Variants in CPNE8 observed in about 807,000 individuals in gnomAD.
The protein encoded by CPNE8 is copine 8.
Under a neutral mutation model 81.5 loss-of-function variants are expected in CPNE8, and 45 were observed. That is an observed-to-expected ratio of 0.55 (90% CI 0.44 to 0.71). The LOEUF is 0.71. Ranked by LOEUF, CPNE8 falls within the 30% of genes least tolerant of loss-of-function variation. The pLI is 0.00. For synonymous variants in CPNE8, 252 were observed against 226.3 expected (o/e 1.11, Z -1.02); for missense variants, 594 against 672.1 (o/e 0.88, Z 1.28).
chr12:38,853,559 T>C (rs1034981864), intron 3 of CPNE8, among the ~76,000 whole-genome samples: 1 of 152,132 alleles, frequency 6.6e-6, no homozygotes, highest in South Asian at 2.1e-4. Context: ...AGTATGAAAA[T>C]TTTCAGTTAT....
intron 1 of CPNE8, among the ~76,000 whole-genome samples, chr12:38,876,318 T>C (rs1944065704): frequency 6.6e-6 from 1 of 152,318 alleles, no homozygotes; most frequent in East Asian, 1.9e-4. Flanking sequence ...TTCAAGTGAT[T>C]CTCCTGCCTC....
intron 10 of CPNE8, among the ~76,000 whole-genome samples, chr12:38,740,431 T>C (rs1044493887): frequency 1.3e-5 from 2 of 152,194 alleles, no homozygotes; most frequent in South Asian, 2.1e-4. Context: ...CAACACTATG[T>C]TGAATAGGAG....
At chr12:38,803,003 T>C in intron 6 of CPNE8, among the ~76,000 whole-genome samples, 1 of 126,334 alleles carries the variant, frequency 7.9e-6, no homozygotes. Context: ...TCTGAAATTG[T>C]GGCAATAATC....
chr12:38,809,918 A>G (rs1565630139), intron 6 of CPNE8, among the ~76,000 whole-genome samples: 2 of 152,224 alleles, frequency 1.3e-5, no homozygotes, highest in Non-Finnish European at 2.9e-5. Context: ...CAGTTCAAAC[A>G]GGGAGGAAAT....
chr12:38,697,276 C>T (rs1008616548), intron 14 of CPNE8, among the ~76,000 whole-genome samples: 1 of 152,156 alleles, frequency 6.6e-6, no homozygotes, highest in Admixed American at 6.5e-5. Context: ...AACATGTGAT[C>T]TTTTGTAACT....
At chr12:38,827,097 C>T (rs1943211044) in intron 6 of CPNE8, among the ~76,000 whole-genome samples, 1 of 149,380 alleles carries the variant, frequency 6.7e-6, no homozygotes, top group African/African-American at 2.5e-5. Context: ...AGAAGAATCA[C>T]TTGAACCCGG....
intron 18 of CPNE8, among the ~76,000 whole-genome samples, 199 bp downstream of exon 18, chr12:38,675,512 ACAGGAT>A (rs1340050567): frequency 6.6e-6 from 1 of 152,172 alleles, no homozygotes; most frequent in Non-Finnish European, 1.5e-5. Context: ...TAGTGAAAAG[ACAGGAT>A]CTTTTAATTG....
intron 1 of CPNE8, 95 bp from the exon 2 acceptor site, chr12:38,874,606 T>C: frequency 2.8e-6 from 2 of 726,718 alleles, no homozygotes; most frequent in Non-Finnish European, 4.6e-6. Context: ...TAATTGTGTA[T>C]ATATATATAA....
rs1938721592 is a variant in CPNE8, at chr12:38,652,505, G to A, written c.*1377C>T. Reference sequence around the variant, plus strand: ...TATAAAAGTCACCCTAGGTCAACTTGGGACAAAGAAAACAATGTACAGTAG... The same window carrying A: ...TATAAAAGTCACCCTAGGTCAACTTAGGACAAAGAAAACAATGTACAGTAG... On this transcript the variant is annotated 3_prime_UTR_variant, in exon 20 of 20. Transcript: ENST00000331366. 1 of 152,356 alleles carries A rather than the reference G, an allele frequency of 6.6e-6. No homozygotes were observed. The highest frequency in any genetic ancestry group is 1.5e-5 in the Non-Finnish European group (1 of 67,980). The allele number at this position is 152,356 out of a possible 1,614,324, so 9.4% of individuals were successfully genotyped here. A position where few individuals can be genotyped will look rare whatever the true frequency, so the allele number is the denominator to read the frequency against.
At chr12:38,807,046 G>A (rs1004376168) in intron 6 of CPNE8, among the ~76,000 whole-genome samples, 3 of 152,076 alleles carry the variant, frequency 2.0e-5, no homozygotes, top group African/African-American at 7.2e-5. Context: ...ACTTACAAGG[G>A]ATGTGAAGGA....
At chr12:38,743,392 G>A (rs1684421) in intron 10 of CPNE8, among the ~76,000 whole-genome samples, 123,447 of 151,886 alleles carry the variant, frequency 0.81, 52,884 homozygotes, top group Middle Eastern at 0.97. Context: ...AATTTTTAGT[G>A]GCATAAATCT....
At chr12:38,654,424 A>G (rs545078549) in intron 19 of CPNE8, among the ~76,000 whole-genome samples, 155 of 148,378 alleles carry the variant, frequency 1.0e-3, no homozygotes, top group African/African-American at 3.6e-3. Context: ...CTGAGGCAGG[A>G]GAATTGCTTG....
At chr12:38,760,354 A>C (rs536223748) in intron 10 of CPNE8, among the ~76,000 whole-genome samples, 1 of 151,284 alleles carries the variant, frequency 6.6e-6, no homozygotes, top group South Asian at 2.1e-4. Context: ...TATGCAGAGG[A>C]CTACAGTGAT....
chr12:38,702,859 TAATCA>T lies in CPNE8; in HGVS notation c.961+11_961+15del. 6.8e-7 allele frequency: 1 copy of T among 1,476,896 alleles called. No homozygotes were observed. Among genetic ancestry groups the T allele is most frequent in the Non-Finnish European group, 9.2e-7 (1 of 1,091,136 alleles). 91.5% of individuals were successfully genotyped at this position (1,476,896 alleles called of 1,614,324 possible). On this transcript the variant is annotated intron_variant, in intron 14 of 19. Coordinates refer to ENST00000331366, the MANE Select transcript of CPNE8 (RefSeq NM_153634.3). ...ATTGCTGATGATTTTTATCAGGGGA[TAATCA>T]AAACACTCACCGTTTGATGCTGTAA...
chr12:38,674,442 C>G (rs1160685982), intron 18 of CPNE8, among the ~76,000 whole-genome samples: 1 of 152,148 alleles, frequency 6.6e-6, no homozygotes, highest in Non-Finnish European at 1.5e-5. Flanking sequence ...TTATTTTAGC[C>G]TACCAATTGG....
At chr12:38,888,966 A>G (rs936957491) in intron 1 of CPNE8, among the ~76,000 whole-genome samples, 3 of 152,238 alleles carry the variant, frequency 2.0e-5, no homozygotes, top group African/African-American at 7.2e-5. Flanking sequence ...TATATTGAAT[A>G]AATAATTATC....
intron 6 of CPNE8, among the ~76,000 whole-genome samples, chr12:38,825,502 C>A (rs981808873): frequency 1.3e-5 from 2 of 152,172 alleles, no homozygotes; most frequent in African/African-American, 2.4e-5. Context: ...ATAAAGCTTC[C>A]ATGAAAACAG....
intron 14 of CPNE8, among the ~76,000 whole-genome samples, chr12:38,698,335 T>C (rs1592018274): frequency 6.6e-6 from 1 of 152,210 alleles, no homozygotes; most frequent in African/African-American, 2.4e-5. Flanking sequence ...TTTGCGAACA[T>C]TTTTTCCATT....
At chr12:38,805,817 C>G (rs1297680988) in intron 6 of CPNE8, among the ~76,000 whole-genome samples, 3 of 149,404 alleles carry the variant, frequency 2.0e-5, no homozygotes, top group African/African-American at 4.9e-5. Flanking sequence ...AATCCAGGAG[C>G]TGGTTTTTTG....
Sources: allele counts gnomAD v4.1 joint callset (sites outside exome capture counted in the v4.1 genomes callset), GRCh38; gene constraint gnomAD v4.1.1; transcripts MANE v1.5; gene names NCBI Gene and HGNC (gene_info 2026-07-23, HGNC 2026-07-21).